The following TP53BP2 variants were observed in gnomAD, a reference collection of about 807,000 sequenced individuals.
The protein encoded by TP53BP2 is apoptosis-stimulating of p53 protein 2.
In TP53BP2, 62 loss-of-function variants were observed where a neutral mutation model predicts 126.2. The ratio of observed to expected loss-of-function variants is 0.49; its 90% CI spans 0.40 to 0.61. TP53BP2 has a LOEUF of 0.61. TP53BP2 is among the 20% of genes least tolerant of loss of function. The pLI, the probability that TP53BP2 is intolerant of heterozygous loss-of-function variation, is 0.00. For synonymous variants in TP53BP2, 485 were observed against 502.9 expected (o/e 0.96, Z 0.48); for missense variants, 1,215 against 1,402.8 (o/e 0.87, Z 2.14).
At position 223,798,688 on chromosome 1, in the gene TP53BP2, C is replaced by T. The variant is rs769709053; in HGVS notation, c.1486-11G>A. ...ATTTTTATTTGCAACCTATAACACA[C>T]ACATAAAAAGCCAGTTAAAATACTA... is the stretch of plus-strand genomic sequence containing the variant. On this transcript the variant is annotated splice_polypyrimidine_tract_variant and intron_variant, in intron 11 of 17. Transcript: ENST00000343537. The T allele has an allele frequency of 1.9e-6, 3 of 1,577,472 alleles. No individual in the cohort carries two copies. Among genetic ancestry groups the T allele is most frequent in the Non-Finnish European group, 2.6e-6 (3 of 1,161,994 alleles).
intron 4 of TP53BP2, among the ~76,000 whole-genome samples, 187 bp from the exon 5 acceptor site, chr1:223,807,134 T>G (rs1405884987): frequency 1.3e-5 from 2 of 152,228 alleles, no homozygotes; most frequent in Admixed American, 6.5e-5. Flanking sequence ...ATTGACTTTT[T>G]AAGATGTAAT....
chr1:223,803,334 G>A lies in TP53BP2; in HGVS notation c.768C>T (p.Ile256=), dbSNP rs747622630. The A allele has an allele frequency of 2.0e-5, 32 of 1,613,646 alleles. No individual in the cohort carries two copies. Among genetic ancestry groups the A allele is most frequent in the Middle Eastern group, 1.7e-4 (1 of 5,924 alleles). The change falls in exon 7 of 18, where the codon ATC becomes ATT. Residue 256 remains isoleucine, a synonymous_variant. Transcript: ENST00000343537. ...CAGACTGATTGTCATGGTGGCTGTCGATCCTGCCGTTCTTGAGCATCTCTA... is the reference window on the plus strand; with the variant it reads ...CAGACTGATTGTCATGGTGGCTGTCAATCCTGCCGTTCTTGAGCATCTCTA... The part of the protein sequence containing the change: ...RQLEMLKNGR[I]DSHHDNQSAV...
chr1:223,814,623 C>T (rs1001180965), intron 2 of TP53BP2, among the ~76,000 whole-genome samples: 2 of 152,144 alleles, frequency 1.3e-5, no homozygotes, highest in African/African-American at 4.8e-5. Flanking sequence ...GTGGGCTCCA[C>T]GCTGGCCACA....
chr1:223,787,545 G>C (rs572306044), intron 16 of TP53BP2, among the ~76,000 whole-genome samples: 1 of 152,040 alleles, frequency 6.6e-6, no homozygotes, highest in East Asian at 1.9e-4. Flanking sequence ...AGGAGTTTGA[G>C]ACTAGCCTGG....
At chr1:223,812,678 G>A (rs1447819937) in intron 3 of TP53BP2, among the ~76,000 whole-genome samples, 1 of 152,146 alleles carries the variant, frequency 6.6e-6, no homozygotes, top group South Asian at 2.1e-4. Context: ...TCCCGCCTCA[G>A]CCTCCCGAGT....
At position 223,822,269 on chromosome 1, in the gene TP53BP2, A is replaced by C. The variant is rs375056186; in HGVS notation, c.28-902T>G. Among the ~76,000 whole-genome samples, 8 of 151,356 alleles carry C rather than the reference A, an allele frequency of 5.3e-5. No individual in the cohort carries two copies. The East Asian group carries it at 5.8e-4, about 11-fold the overall frequency. On this transcript the variant is annotated intron_variant, in intron 1 of 17. Transcript: ENST00000343537. ...AAATTAAATACCTACTTTGAAGTAC[A>C]AGATTTCATTAACAAAGTATAAGTA...
At chr1:223,785,765 A>T (rs1219333266) in intron 16 of TP53BP2, among the ~76,000 whole-genome samples, 2 of 152,212 alleles carry the variant, frequency 1.3e-5, no homozygotes, top group African/African-American at 2.4e-5. Context: ...ATTACTTTTT[A>T]AAAAATTTTT....
At chr1:223,802,443 A>T in intron 8 of TP53BP2, 99 bp from the exon 9 acceptor site, 1 of 1,237,234 alleles carries the variant, frequency 8.1e-7, no homozygotes, top group Non-Finnish European at 1.1e-6. Flanking sequence ...TAAAATGAGC[A>T]GTTTCAGAAT....
Position 223,782,025 on chromosome 1 carries a change from C to G in TP53BP2, c.3364-1131G>C, listed in dbSNP as rs535937551. On this transcript the variant is annotated intron_variant, in intron 17 of 17. Transcript: ENST00000343537. ...TGGAAACATGCAATGTTCCCCGTGT[C>G]ATTAACCACAGGACCTGTGTTAGAA... is the stretch of plus-strand genomic sequence containing the variant. Among the ~76,000 whole-genome samples the G allele has an allele frequency of 2.1e-5, 3 of 142,598 alleles. No individual in the cohort carries two copies. The South Asian group carries it at 6.3e-4, about 30-fold the overall frequency. 93.5% of individuals were successfully genotyped at this position (142,598 alleles called of 152,430 possible).
At chr1:223,800,646 C>A in intron 10 of TP53BP2, 54 bp downstream of exon 10, 1 of 1,279,000 alleles carries the variant, frequency 7.8e-7, no homozygotes, top group Non-Finnish European at 1.1e-6. Context: ...GAATACACAG[C>A]ACCTTTCAGA....
At chr1:223,844,279 T>G (rs984437020) in intron 1 of TP53BP2, among the ~76,000 whole-genome samples, 7 of 152,180 alleles carry the variant, frequency 4.6e-5, no homozygotes, top group African/African-American at 7.2e-5. Flanking sequence ...TGAATTCGGC[T>G]ACACAACGGA....
At chr1:223,783,132 G>C (rs1202612175) in intron 17 of TP53BP2, among the ~76,000 whole-genome samples, 1 of 152,190 alleles carries the variant, frequency 6.6e-6, no homozygotes, top group Non-Finnish European at 1.5e-5. Context: ...AGCTCCATGT[G>C]GGTGGAGGCC....
chr1:223,796,626 C>T lies in TP53BP2; in HGVS notation c.1949-36G>A, dbSNP rs1203245771. ...AAGGAAAAAAAAAAGCCCTCATTAG[C>T]ATTAATTAAACAAAACTGGCAAGAA... On this transcript the variant is annotated intron_variant, in intron 12 of 17. Coordinates refer to ENST00000343537, the MANE Select transcript of TP53BP2 (RefSeq NM_001031685.3). This position sits in a 1 kb window ranked among gnomAD's most constrained non-coding sequence, Gnocchi z 4.2. 7 of 1,524,630 alleles carry T rather than the reference C, an allele frequency of 4.6e-6. No homozygotes were observed. The highest frequency in any genetic ancestry group is 6.1e-6 in the Non-Finnish European group (7 of 1,145,004). 94.4% of individuals were successfully genotyped at this position (1,524,630 alleles called of 1,614,324 possible). A position where few individuals can be genotyped will look rare whatever the true frequency, so the allele number is the denominator to read the frequency against.
At chr1:223,825,829 C>T (rs1395403039) in intron 1 of TP53BP2, 2 of 152,356 alleles carry the variant, frequency 1.3e-5, no homozygotes, top group East Asian at 3.9e-4. Context: ...CACAACCTGG[C>T]TCCTTCCCTC....
chr1:223,808,669 C>T (rs1254773592), intron 4 of TP53BP2, among the ~76,000 whole-genome samples: 1 of 148,850 alleles, frequency 6.7e-6, no homozygotes, highest in Non-Finnish European at 1.5e-5. Context: ...AAAAAAAAAT[C>T]TCTATGACCC....
intron 2 of TP53BP2, among the ~76,000 whole-genome samples, chr1:223,816,227 T>A (rs1319334094): frequency 6.6e-6 from 1 of 152,186 alleles, no homozygotes. Flanking sequence ...CATCTCTGTA[T>A]CCCTCTCAAT....
At chr1:223,786,870 T>C (rs1184724514) in intron 16 of TP53BP2, among the ~76,000 whole-genome samples, 9 of 151,740 alleles carry the variant, frequency 5.9e-5, no homozygotes, top group Non-Finnish European at 1.3e-4. Context: ...CCTCCCAAAG[T>C]GCTGGGATTA....
At chr1:223,789,259 A>G (rs1223763944) in intron 15 of TP53BP2, 85 bp from the exon 16 acceptor site, 1 of 1,496,744 alleles carries the variant, frequency 6.7e-7, no homozygotes, top group Non-Finnish European at 9.1e-7. Flanking sequence ...AAAGTTCTTG[A>G]GTCTCTCATC....
intron 9 of TP53BP2, chr1:223,801,846 T>C (rs1029067602): frequency 1.6e-5 from 4 of 254,320 alleles, no homozygotes; most frequent in African/African-American, 9.1e-5. Context: ...TAAGGAACTT[T>C]TTAAAACAAT....
Sources: gnomAD v4.1 joint callset for allele counts (sites outside exome capture counted in the v4.1 genomes callset) on GRCh38, gnomAD v4.1.1 for gene constraint, Gnocchi (gnomAD v3.1) non-coding constraint, MANE v1.5 for transcripts, NCBI Gene and HGNC (gene_info 2026-07-23, HGNC 2026-07-21) for gene names.